DNAH11: variants seen among roughly 807,000 people sequenced by gnomAD.
DNAH11 encodes axonemal beta dynein heavy chain 11.
Under a neutral mutation model 526.0 loss-of-function variants are expected in DNAH11, and 442 were observed. The ratio of observed to expected loss-of-function variants is 0.84; its 90% CI spans 0.78 to 0.91. The LOEUF is 0.91. Among genes scored for constraint, DNAH11 ranks in the 40% least tolerant of loss-of-function variants. DNAH11 has a pLI of 0.00. For synonymous variants in DNAH11, 2,461 were observed against 1,935.9 expected (o/e 1.27, Z -7.12); for missense variants, 6,989 against 5,448.7 (o/e 1.28, Z -8.90).
chr7:21,587,551 G>T (rs1373979684), intron 9 of DNAH11, among the ~76,000 whole-genome samples: 1 of 152,240 alleles, frequency 6.6e-6, no homozygotes, highest in East Asian at 1.9e-4. Flanking sequence ...GTAGCCCCAG[G>T]ACACTGTTGG....
intron 65 of DNAH11, among the ~76,000 whole-genome samples, chr7:21,819,548 T>C (rs1789964387): frequency 6.6e-6 from 1 of 152,198 alleles, no homozygotes; most frequent in Admixed American, 6.5e-5. Flanking sequence ...GTCACTGAAG[T>C]GAAATCCTTG....
At position 21,561,871 on chromosome 7, in the gene DNAH11, AC is replaced by A. The variant is rs1237911110; in HGVS notation, c.982+702del. ...ATAAAATAGATAATATGGACAAGTA[AC>A]TTTTTTTGTTTCTAATATTAAAAAG... On this transcript the variant is annotated intron_variant, in intron 5 of 81. Transcript: ENST00000409508. Among the ~76,000 whole-genome samples, 14 of 152,340 alleles carry A rather than the reference AC, an allele frequency of 9.2e-5. No homozygotes were observed. The East Asian group carries it at 2.5e-3, about 27-fold the overall frequency.
At chr7:21,805,840 T>C (rs1470829171) in intron 62 of DNAH11, among the ~76,000 whole-genome samples, 1 of 152,218 alleles carries the variant, frequency 6.6e-6, no homozygotes, top group Admixed American at 6.5e-5. Context: ...TCTTTTTCTT[T>C]CAGGATAAAT....
Position 21,588,647 on chromosome 7 carries a change from A to G in DNAH11, c.1973+11A>G, listed in dbSNP as rs1484703364. 1.9e-6 allele frequency: 3 copies of G among 1,612,176 alleles called. No homozygotes were observed. The Admixed American group carries it at 5.0e-5, about 27-fold the overall frequency. On this transcript the variant is annotated intron_variant, in intron 11 of 81. Transcript: ENST00000409508. ...ATCTCTCCGTTATCTGTAAGTAGTT[A>G]AGCTTAGGTCATGGCAAGTTATTCT...
chr7:21,844,606 G>A (rs1292861467), intron 66 of DNAH11, among the ~76,000 whole-genome samples: 1 of 152,122 alleles, frequency 6.6e-6, no homozygotes, highest in African/African-American at 2.4e-5. Flanking sequence ...GTATAAATCA[G>A]TGGTTCTCAA....
intron 36 of DNAH11, 58 bp downstream of exon 36, chr7:21,698,271 A>T: frequency 6.3e-7 from 1 of 1,592,840 alleles, no homozygotes; most frequent in Non-Finnish European, 8.5e-7. Flanking sequence ...AAGCTTTTGA[A>T]GTATGGATTT....
intron 41 of DNAH11, among the ~76,000 whole-genome samples, chr7:21,711,254 C>G (rs974255883): frequency 5.9e-5 from 9 of 152,088 alleles, no homozygotes; most frequent in Admixed American, 5.9e-4. Context: ...CATCATTACT[C>G]CAGAGAAGAT....
rs182411061 is a variant in DNAH11 at position 21,888,910 on chromosome 7, G to A, written c.12508-3515G>A. 1.1e-3 allele frequency among the ~76,000 whole-genome samples: 167 copies of A among 151,972 alleles called. 2 individuals are homozygous for A. The highest frequency in any genetic ancestry group is 3.8e-3 in the African/African-American group (159 of 41,444). Reference sequence around the variant, plus strand: ...TTTACTAAGATATAATTTGCACACTGTAACATTTACCAATTTAAATTATAC... The same window carrying A: ...TTTACTAAGATATAATTTGCACACTATAACATTTACCAATTTAAATTATAC... On this transcript the variant is annotated intron_variant, in intron 76 of 81. Coordinates refer to ENST00000409508, the MANE Select transcript of DNAH11 (RefSeq NM_001277115.2).
chr7:21,719,436 T>C (rs2128483478), intron 43 of DNAH11, among the ~76,000 whole-genome samples: 1 of 152,282 alleles, frequency 6.6e-6, no homozygotes, highest in East Asian at 1.9e-4. Context: ...TGGGAGAAAA[T>C]AGAAGAAACA....
At position 21,742,012 on chromosome 7, in the gene DNAH11, A is replaced by G; in HGVS notation, c.8000A>G (p.Gln2667Arg). 5.6e-6 allele frequency: 9 copies of G among 1,613,964 alleles called. No homozygotes were observed. Among genetic ancestry groups the G allele is most frequent in the Non-Finnish European group, 7.6e-6 (9 of 1,179,868 alleles). ...GGCCAAATCTTTAGCTTCCATTTCC[A>G]ACAGCAAGCATTTGCTCCATCAATT... ...IYGQIFSFHF[Q>R]QQAFAPSILR... is the part of the protein sequence containing the mutation. The change falls in exon 49 of 82, where the codon CAA becomes CGA. Residue 2667 changes from glutamine (Q) to arginine (R), a missense_variant. Gln to Arg is a conservative substitution (Grantham distance 43). Transcript: ENST00000409508.
chr7:21,598,459 C>G (rs1784948121), intron 14 of DNAH11, among the ~76,000 whole-genome samples: 2 of 152,158 alleles, frequency 1.3e-5, no homozygotes, highest in African/African-American at 4.8e-5. Flanking sequence ...GTCGCCCAAA[C>G]TCTTGGGAGA....
At chr7:21,708,465 G>A (rs1302062324) in intron 40 of DNAH11, among the ~76,000 whole-genome samples, 4 of 152,160 alleles carry the variant, frequency 2.6e-5, no homozygotes, top group Admixed American at 1.3e-4. Flanking sequence ...CTACAGCAGC[G>A]TGTAATCTCC....
intron 29 of DNAH11, 41 bp from the exon 30 acceptor site, chr7:21,658,755 CAT>C (rs1212408805): frequency 6.8e-7 from 1 of 1,465,044 alleles, no homozygotes; most frequent in Non-Finnish European, 9.2e-7. Context: ...ATTATCCTTC[CAT>C]AGTTAAGCCT....
At chr7:21,802,693 A>G (rs1789047148) in intron 62 of DNAH11, among the ~76,000 whole-genome samples, 1 of 152,092 alleles carries the variant, frequency 6.6e-6, no homozygotes. Context: ...ATGCTAAAAG[A>G]AAGAAGCCAG....
At chr7:21,895,229 C>T (rs755728898) in intron 79 of DNAH11, among the ~76,000 whole-genome samples, 1 of 152,188 alleles carries the variant, frequency 6.6e-6, no homozygotes, top group African/African-American at 2.4e-5. Flanking sequence ...CTGTCGCTCA[C>T]TCATTGATAC....
In DNAH11 at chr7:21,720,748, C is replaced by T. The variant is rs1433039063; in HGVS notation, c.7158C>T (p.Cys2386=). The change falls in exon 44 of 82, where the codon TGC becomes TGT. Residue 2386 remains cysteine, a synonymous_variant. Coordinates refer to ENST00000409508, the MANE Select transcript of DNAH11 (RefSeq NM_001277115.2). ...LVQTLCVLLE[C]LLTPENVPSD... ...AGACTCTATGTGTTCTTTTGGAGTG[C>T]TTGCTGACTCCTGAAAATGTACCTT... is the stretch of plus-strand genomic sequence containing the variant. The T allele has an allele frequency of 6.3e-7, 1 of 1,584,364 alleles. No homozygotes were observed. Among genetic ancestry groups the T allele is most frequent in the South Asian group, 1.1e-5 (1 of 86,966 alleles).
chr7:21,816,467 G>A lies in DNAH11; in HGVS notation c.10333G>A (p.Val3445Ile), dbSNP rs375325124. 6 of 1,596,956 alleles carry A rather than the reference G, an allele frequency of 3.8e-6. No homozygotes were observed. In the African/African-American group the frequency reaches 8.0e-5, roughly 21 times the overall value. Residue 3445 changes from valine to isoleucine, a missense_variant and splice_region_variant, in exon 64 of 82, where the codon GTT (valine) becomes ATT (isoleucine). Physicochemically the swap from Val to Ile is conservative, Grantham distance 29 (BLOSUM62 3). Coordinates refer to ENST00000409508, the MANE Select transcript of DNAH11 (RefSeq NM_001277115.2). The stretch of plus-strand genomic sequence containing the variant: ...GTTGCATTCAACTCTGATTTTAAAG[G>A]TTTCCATTCCACTAACCGAAGGCCT... ...CKWVPFLQQK[V>I]SIPLTEGLDL...
At chr7:21,589,708 C>T (rs1300552377) in intron 12 of DNAH11, among the ~76,000 whole-genome samples, 1 of 152,114 alleles carries the variant, frequency 6.6e-6, no homozygotes, top group African/African-American at 2.4e-5. Flanking sequence ...GTGTCTGGTA[C>T]TTGGTGACAG....
At chr7:21,851,573 T>C (rs752502144) in intron 66 of DNAH11, 6 of 471,462 alleles carry the variant, frequency 1.3e-5, no homozygotes. Context: ...ACTTTTCCCA[T>C]CCTTAGCCCA....
Sources: gnomAD v4.1 joint callset for allele counts (sites outside exome capture counted in the v4.1 genomes callset) on GRCh38, gnomAD v4.1.1 for gene constraint, MANE v1.5 for transcripts, NCBI Gene and HGNC (gene_info 2026-07-23, HGNC 2026-07-21) for gene names.